Variants in PRKCA observed in about 807,000 individuals in gnomAD.
PRKCA encodes protein kinase C alpha, also known as protein kinase C alpha type.
In PRKCA, 27 loss-of-function variants were observed where a neutral mutation model predicts 87.0. The ratio of observed to expected loss-of-function variants is 0.31; its 90% CI spans 0.23 to 0.43. The LOEUF is 0.43. PRKCA is among the 20% of genes least tolerant of loss of function. PRKCA has a pLI of 1.00. For missense variants in PRKCA, 518 were observed against 852.3 expected, an observed-to-expected ratio of 0.61 and a Z score of 4.88; for synonymous variants, 329 against 311.1, an observed-to-expected ratio of 1.06 and a Z score of -0.61.
At chr17:66,531,253 C>T (rs1967526359) in intron 3 of PRKCA, among the ~76,000 whole-genome samples, 1 of 152,226 alleles carries the variant, frequency 6.6e-6, no homozygotes, top group Non-Finnish European at 1.5e-5. Flanking sequence ...GCCGCGTTCA[C>T]ATAGGGTTCT....
chr17:66,660,802 G>A (rs972156463), intron 5 of PRKCA, among the ~76,000 whole-genome samples: 10 of 152,108 alleles, frequency 6.6e-5, no homozygotes, highest in South Asian at 2.1e-4. Context: ...CCAGCTACTC[G>A]GGAGGCTGAG....
chr17:66,757,025 C>G (rs560861577), intron 13 of PRKCA, among the ~76,000 whole-genome samples: 12 of 152,158 alleles, frequency 7.9e-5, no homozygotes, highest in African/African-American at 2.9e-4. Context: ...AAAAAGTAGA[C>G]AGCATGCAAG....
At chr17:66,377,290 G>T (rs1909477488) in intron 2 of PRKCA, among the ~76,000 whole-genome samples, 1 of 151,964 alleles carries the variant, frequency 6.6e-6, no homozygotes, top group Admixed American at 6.6e-5. Flanking sequence ...CTTCCAAAGT[G>T]CTGGGATTAC....
intron 4 of PRKCA, among the ~76,000 whole-genome samples, chr17:66,641,922 A>G (rs1971306936): frequency 6.6e-6 from 1 of 152,152 alleles, no homozygotes; most frequent in Non-Finnish European, 1.5e-5. Flanking sequence ...ACTGAAACCA[A>G]AATGAACATA....
At chr17:66,727,223 C>T (rs1189720282) in intron 8 of PRKCA, among the ~76,000 whole-genome samples, 1 of 151,932 alleles carries the variant, frequency 6.6e-6, no homozygotes, top group African/African-American at 2.4e-5. Flanking sequence ...AGATTTATTG[C>T]AAAGTGACCA....
intron 2 of PRKCA, among the ~76,000 whole-genome samples, chr17:66,458,503 G>A (rs903771788): frequency 2.0e-5 from 3 of 151,096 alleles, no homozygotes; most frequent in African/African-American, 4.9e-5. Flanking sequence ...TTTTTGAGAC[G>A]GGGTTTCTAT....
chr17:66,313,832 A>G (rs528790627), intron 2 of PRKCA, among the ~76,000 whole-genome samples: 2 of 152,338 alleles, frequency 1.3e-5, no homozygotes, highest in South Asian at 2.1e-4. Context: ...ATGCAAGTAA[A>G]TGTACATGAA....
chr17:66,617,965 G>A (rs1021642147), intron 3 of PRKCA, among the ~76,000 whole-genome samples: 3 of 152,172 alleles, frequency 2.0e-5, no homozygotes, highest in Non-Finnish European at 2.9e-5. Flanking sequence ...CCCCAACGTG[G>A]TGCCCTGTTG....
intron 3 of PRKCA, among the ~76,000 whole-genome samples, chr17:66,517,312 C>T (rs1261080297): frequency 3.9e-5 from 6 of 152,120 alleles, no homozygotes; most frequent in Non-Finnish European, 7.4e-5. Context: ...GAATTAGTAT[C>T]TCAGGAGATT....
chr17:66,377,207 T>C (rs977172568), intron 2 of PRKCA, among the ~76,000 whole-genome samples: 2 of 152,004 alleles, frequency 1.3e-5, no homozygotes, highest in Admixed American at 6.6e-5. Flanking sequence ...GTATTTTTAG[T>C]AGAGATGGGG....
rs142174058 is a variant in PRKCA, at chr17:66,698,170, G to A, written c.918+9123G>A. On this transcript the variant is annotated intron_variant, in intron 8 of 16. Transcript: ENST00000413366. ...GCCTCCTTCTTCAAATGTGAAGACA[G>A]CATTTGAAGCAACAAGACTTCAAAG... Among the ~76,000 whole-genome samples the A allele has an allele frequency of 7.2e-3, 1,102 of 152,280 alleles. 15 individuals carry two copies. Among genetic ancestry groups the A allele is most frequent in the African/African-American group, 0.023 (953 of 41,554 alleles).
At chr17:66,639,816 G>A (rs1971241912) in intron 3 of PRKCA, among the ~76,000 whole-genome samples, 2 of 152,178 alleles carry the variant, frequency 1.3e-5, no homozygotes, top group South Asian at 4.1e-4. Flanking sequence ...GAATAACATG[G>A]TGAAACCCCA....
chr17:66,423,491 G>C (rs1034900946), intron 2 of PRKCA, among the ~76,000 whole-genome samples: 1 of 152,178 alleles, frequency 6.6e-6, no homozygotes, highest in Non-Finnish European at 1.5e-5. Flanking sequence ...GACTAAGAAA[G>C]ATGTTCATTA....
intron 3 of PRKCA, among the ~76,000 whole-genome samples, chr17:66,593,941 C>T (rs1969890503): frequency 6.6e-6 from 1 of 152,128 alleles, no homozygotes; most frequent in Non-Finnish European, 1.5e-5. Context: ...AAAAATTAGC[C>T]AGGCATGGTG....
In PRKCA at chr17:66,807,083, T is replaced by C. The variant is rs1380757131; in HGVS notation, c.*3046T>C. 1 of 152,218 alleles carries C rather than the reference T, an allele frequency of 6.6e-6. No individual in the cohort carries two copies. Among genetic ancestry groups the C allele is most frequent in the African/African-American group, 2.4e-5 (1 of 41,436 alleles). 9.4% of individuals were successfully genotyped at this position (152,218 alleles called of 1,614,324 possible). A position where few individuals can be genotyped will look rare whatever the true frequency, so the allele number is the denominator to read the frequency against. On this transcript the variant is annotated 3_prime_UTR_variant, in exon 17 of 17. Coordinates refer to ENST00000413366, the MANE Select transcript of PRKCA (RefSeq NM_002737.3). This position sits in a 1 kb window ranked among gnomAD's most constrained non-coding sequence, Gnocchi z 4.3. Reference sequence around the variant, plus strand: ...GGTACTGGCCCCTTCGTGGGTATTGTGTGAAATGAGATGGTGGCGAGGGGT... The same window carrying C: ...GGTACTGGCCCCTTCGTGGGTATTGCGTGAAATGAGATGGTGGCGAGGGGT...
At chr17:66,547,062 C>G (rs938883287) in intron 3 of PRKCA, among the ~76,000 whole-genome samples, 1 of 152,134 alleles carries the variant, frequency 6.6e-6, no homozygotes, top group African/African-American at 2.4e-5. Context: ...TGCCTTTTGT[C>G]TTGAGTAGTC....
intron 2 of PRKCA, among the ~76,000 whole-genome samples, chr17:66,327,028 C>A (rs1906018531): frequency 6.6e-6 from 1 of 151,954 alleles, no homozygotes. Context: ...ATGATCATAC[C>A]ACTGCACTCC....
chr17:66,778,908 A>G (rs937313675), intron 14 of PRKCA, among the ~76,000 whole-genome samples: 2 of 151,524 alleles, frequency 1.3e-5, no homozygotes, highest in Non-Finnish European at 1.5e-5. Context: ...AATGGCAGGC[A>G]CAGATAACAG....
chr17:66,496,016 C>T (rs1006062381), intron 2 of PRKCA, among the ~76,000 whole-genome samples, 185 bp from the exon 3 acceptor site: 1 of 152,158 alleles, frequency 6.6e-6, no homozygotes, highest in Non-Finnish European at 1.5e-5. Context: ...ACTCTGTTAT[C>T]TATGAGTCTA....
Sources: gnomAD v4.1 joint callset for allele counts (sites outside exome capture counted in the v4.1 genomes callset) on GRCh38, gnomAD v4.1.1 for gene constraint, Gnocchi (gnomAD v3.1) non-coding constraint, MANE v1.5 for transcripts, NCBI Gene and HGNC (gene_info 2026-07-23, HGNC 2026-07-21) for gene names.